Variants in SUPT3H observed in about 807,000 individuals in gnomAD.
SUPT3H encodes SPT3 homolog, SAGA and STAGA complex component.
SUPT3H carries 44 observed loss-of-function variants against 44.3 expected under a neutral mutation model. That is an observed-to-expected ratio of 0.99 (90% CI 0.78 to 1.28). The LOEUF is 1.28. SUPT3H is among the 50% of genes most tolerant of loss of function. The pLI is 0.00. For missense variants in SUPT3H, 380 were observed against 387.1 expected, an observed-to-expected ratio of 0.98 and a Z score of 0.15; for synonymous variants, 124 against 125.6, an observed-to-expected ratio of 0.99 and a Z score of 0.09.
chr6:45,181,582 T>C (rs1408798921), intron 2 of SUPT3H, among the ~76,000 whole-genome samples: 1 of 151,656 alleles, frequency 6.6e-6, no homozygotes, highest in Non-Finnish European at 1.5e-5. Flanking sequence ...TGGATGAAAT[T>C]GGAAATCATC....
chr6:45,002,054 A>T lies in SUPT3H; in HGVS notation c.504+1599T>A, dbSNP rs1002490977. Among the ~76,000 whole-genome samples the T allele has an allele frequency of 3.6e-4, 55 of 152,096 alleles. 1 individual carries two copies. The highest frequency in any genetic ancestry group is 1.1e-3 in the Admixed American group (16 of 15,228). ...AGATTTTTGTTATGATACAAAGCTT[A>T]ACGAAGTTGCCAGTCTCATGTTTAT... On this transcript the variant is annotated intron_variant, in intron 6 of 10. Transcript: ENST00000371459.
At chr6:45,218,258 A>C (rs1765415970) in intron 2 of SUPT3H, among the ~76,000 whole-genome samples, 1 of 152,208 alleles carries the variant, frequency 6.6e-6, no homozygotes. Flanking sequence ...AACATGAGAA[A>C]AGATATTATA....
chr6:45,344,332 T>C (rs185228526), intron 2 of SUPT3H, among the ~76,000 whole-genome samples: 10 of 152,326 alleles, frequency 6.6e-5, no homozygotes, highest in Admixed American at 5.9e-4. Context: ...CTTGTCTGTA[T>C]ACTTATTTTT....
chr6:45,152,421 C>T (rs1562560865), intron 2 of SUPT3H, among the ~76,000 whole-genome samples: 3 of 152,110 alleles, frequency 2.0e-5, no homozygotes, highest in South Asian at 4.1e-4. Context: ...TTCTAGTAGA[C>T]GTCTATCTGG....
At chr6:45,285,272 G>A (rs1465242778) in intron 2 of SUPT3H, among the ~76,000 whole-genome samples, 1 of 151,898 alleles carries the variant, frequency 6.6e-6, no homozygotes, top group Non-Finnish European at 1.5e-5. Context: ...GAAATAAAGG[G>A]TATTCAATTA....
rs190385288 is a variant in SUPT3H, at chr6:45,111,269, G to A, written c.102-5263C>T. ...GCTGGTCTCGAACTCCTGACCTCGT[G>A]ATCTGCCCACCTCAGCCTCCCAAAG... On this transcript the variant is annotated intron_variant, in intron 2 of 10. Transcript: ENST00000371459. 4.6e-5 allele frequency among the ~76,000 whole-genome samples: 7 copies of A among 152,114 alleles called. No homozygotes were observed. The East Asian group carries it at 1.4e-3, about 29-fold the overall frequency.
At chr6:45,088,741 T>C (rs915546405) in intron 3 of SUPT3H, among the ~76,000 whole-genome samples, 64 of 151,974 alleles carry the variant, frequency 4.2e-4, no homozygotes, top group Admixed American at 6.6e-5. Context: ...ACCAAGTTAG[T>C]ACATATAAAT....
At chr6:44,916,075 G>T (rs1332224788) in intron 10 of SUPT3H, among the ~76,000 whole-genome samples, 1 of 152,166 alleles carries the variant, frequency 6.6e-6, no homozygotes, top group African/African-American at 2.4e-5. Context: ...TCATCTAGAT[G>T]TTTGAAACGT....
At chr6:45,258,203 T>C (rs1351462834) in intron 2 of SUPT3H, among the ~76,000 whole-genome samples, 1 of 152,240 alleles carries the variant, frequency 6.6e-6, no homozygotes, top group Non-Finnish European at 1.5e-5. Context: ...TATTTTCACA[T>C]TGAAAATCAG....
Position 44,926,649 on chromosome 6 carries a change from C to T in SUPT3H, c.912+6004G>A, listed in dbSNP as rs573953706. ...AAATACAAATTAAAACAAAAATATC[C>T]TATCACTCACTAGCTGTATGTTAAC... On this transcript the variant is annotated intron_variant, in intron 10 of 10. Transcript: ENST00000371459. 6.6e-5 allele frequency among the ~76,000 whole-genome samples: 10 copies of T among 152,130 alleles called. No individual in the cohort carries two copies. The East Asian group carries it at 1.2e-3, about 18-fold the overall frequency.
chr6:44,935,865 A>G (rs1388770311), intron 9 of SUPT3H, among the ~76,000 whole-genome samples: 1 of 152,166 alleles, frequency 6.6e-6, no homozygotes, highest in Non-Finnish European at 1.5e-5. Context: ...TGGATCTCTC[A>G]CTGAACCTTT....
chr6:44,961,845 C>A lies in SUPT3H; in HGVS notation c.505-17G>T. 6.4e-7 allele frequency: 1 copy of A among 1,569,184 alleles called. No homozygotes were observed. On this transcript the variant is annotated splice_polypyrimidine_tract_variant and intron_variant, in intron 6 of 10. Transcript: ENST00000371459. Reference sequence around the variant, plus strand: ...TTCTGCTCTCTAAAAGATAAAAATACATAACATTTTTTAAAGCAAGCAGAT... The same window carrying A: ...TTCTGCTCTCTAAAAGATAAAAATAAATAACATTTTTTAAAGCAAGCAGAT...
intron 2 of SUPT3H, among the ~76,000 whole-genome samples, chr6:45,217,576 A>G (rs1485135561): frequency 6.6e-6 from 1 of 152,218 alleles, no homozygotes; most frequent in Non-Finnish European, 1.5e-5. Flanking sequence ...AAAATTATAC[A>G]AAATATAGTC....
intron 10 of SUPT3H, among the ~76,000 whole-genome samples, chr6:44,835,755 C>G (rs1769748135): frequency 6.6e-6 from 1 of 152,102 alleles, no homozygotes; most frequent in Non-Finnish European, 1.5e-5. Context: ...CCACCCCACT[C>G]CCAAGCTTTA....
At chr6:44,951,426 T>A (rs1210922090) in intron 9 of SUPT3H, among the ~76,000 whole-genome samples, 1 of 152,154 alleles carries the variant, frequency 6.6e-6, no homozygotes, top group Non-Finnish European at 1.5e-5. Context: ...GTATTTGATG[T>A]ACAGGCCCTT....
chr6:44,886,970 A>C lies in SUPT3H; in HGVS notation c.912+45683T>G, dbSNP rs1762405692. Among the ~76,000 whole-genome samples the C allele has an allele frequency of 2.6e-5, 4 of 152,164 alleles. No individual in the cohort carries two copies. The South Asian group carries it at 8.3e-4, about 32-fold the overall frequency. Reference sequence around the variant, plus strand: ...AAAAAAAGGCAGGGGTTGCAATCCTAGTCTCTGATAAAACAGACTTTAAAC... The same window carrying C: ...AAAAAAAGGCAGGGGTTGCAATCCTCGTCTCTGATAAAACAGACTTTAAAC... On this transcript the variant is annotated intron_variant, in intron 10 of 10. Coordinates refer to ENST00000371459, the MANE Select transcript of SUPT3H (RefSeq NM_003599.4).
chr6:45,069,630 G>T (rs1794062500), intron 3 of SUPT3H, among the ~76,000 whole-genome samples: 1 of 152,094 alleles, frequency 6.6e-6, no homozygotes, highest in Admixed American at 6.6e-5. Flanking sequence ...TTCCTGTGAA[G>T]AGTTTTAAAA....
At chr6:45,337,165 G>C (rs1300608331) in intron 2 of SUPT3H, among the ~76,000 whole-genome samples, 1 of 151,612 alleles carries the variant, frequency 6.6e-6, no homozygotes, top group African/African-American at 2.4e-5. Flanking sequence ...CATATGAACA[G>C]AACAACATGC....
intron 2 of SUPT3H, among the ~76,000 whole-genome samples, chr6:45,182,025 C>G (rs575415124): frequency 1.3e-5 from 2 of 152,196 alleles, no homozygotes; most frequent in South Asian, 4.1e-4. Context: ...TCCTTTTTCT[C>G]TGAACATAAT....
Sources: gnomAD v4.1 joint callset for allele counts (sites outside exome capture counted in the v4.1 genomes callset) on GRCh38, gnomAD v4.1.1 for gene constraint, MANE v1.5 for transcripts, NCBI Gene and HGNC (gene_info 2026-07-23, HGNC 2026-07-21) for gene names.